KCNB2: variants seen among roughly 807,000 people sequenced by gnomAD.
KCNB2 encodes the protein delayed rectifier potassium channel protein.
In KCNB2, 15 loss-of-function variants were observed where a neutral mutation model predicts 61.5. That is an observed-to-expected ratio of 0.24 (90% CI 0.16 to 0.38). The LOEUF is 0.38. KCNB2 is among the 10% of genes least tolerant of loss of function. The pLI, the probability that KCNB2 is intolerant of heterozygous loss-of-function variation, is 1.00. For missense variants in KCNB2, 828 were observed against 1,125.2 expected (o/e 0.74, Z 3.78); for synonymous variants, 457 against 446.0 (o/e 1.02, Z -0.31).
intron 2 of KCNB2, among the ~76,000 whole-genome samples, chr8:72,639,585 C>T (rs149376952): frequency 1.3e-5 from 2 of 152,142 alleles, no homozygotes; most frequent in East Asian, 3.9e-4. Flanking sequence ...CATGCTCTTT[C>T]CTAAGGAGGG....
At chr8:72,908,635 G>A (rs1394942237) in intron 2 of KCNB2, among the ~76,000 whole-genome samples, 2 of 152,190 alleles carry the variant, frequency 1.3e-5, no homozygotes, top group African/African-American at 4.8e-5. Context: ...TAAACAGCCT[G>A]GCTAAGGTGT....
rs946360150 is a variant in KCNB2, at chr8:72,651,483, A to G, written c.579+83170A>G. Among the ~76,000 whole-genome samples the G allele has an allele frequency of 9.9e-5, 15 of 152,132 alleles. 1 individual carries two copies. Among genetic ancestry groups the G allele is most frequent in the Admixed American group, 7.9e-4 (12 of 15,266 alleles). On this transcript the variant is annotated intron_variant, in intron 2 of 2. Coordinates refer to ENST00000523207, the MANE Select transcript of KCNB2 (RefSeq NM_004770.3). ...CACTAAAATAACTCATTAAACCCCT[A>G]CTGTTAAAGATTACTTAACATTAAC...
At chr8:72,723,884 C>T (rs143003704) in intron 2 of KCNB2, among the ~76,000 whole-genome samples, 18 of 152,244 alleles carry the variant, frequency 1.2e-4, no homozygotes, top group Non-Finnish European at 2.2e-4. Flanking sequence ...AGGGCTTAGC[C>T]GTGACTTGTT....
rs1554587062 is a variant in KCNB2, at chr8:72,725,575, G to GTATGTA, written c.579+157265_579+157266insGTATAT. On this transcript the variant is annotated intron_variant, in intron 2 of 2. Transcript: ENST00000523207. The stretch of plus-strand genomic sequence containing the variant: ...TATATATGTATATATGTATATATAT[G>GTATGTA]TATATATATATGTATGTATATATAT... 3.7e-3 allele frequency among the ~76,000 whole-genome samples: 301 copies of GTATGTA among 80,476 alleles called. 4 individuals carry two copies. The highest frequency in any genetic ancestry group is 6.7e-3 in the Admixed American group (45 of 6,702). The allele number at this position is 80,476 out of a possible 152,430, so 52.8% of individuals were successfully genotyped here. A position where few individuals can be genotyped will look rare whatever the true frequency, so the allele number is the denominator to read the frequency against.
intron 2 of KCNB2, among the ~76,000 whole-genome samples, chr8:72,915,448 G>A (rs1806376889): frequency 6.6e-6 from 1 of 152,064 alleles, no homozygotes; most frequent in South Asian, 2.1e-4. Flanking sequence ...AAGGAGGTAG[G>A]GATTGGGGAA....
intron 2 of KCNB2, among the ~76,000 whole-genome samples, chr8:72,908,442 A>G (rs1344462319): frequency 1.3e-5 from 2 of 152,172 alleles, no homozygotes; most frequent in East Asian, 3.9e-4. Context: ...TTATTCCAGT[A>G]CCTGGCCCAC....
chr8:72,778,827 A>G (rs1389493380), intron 2 of KCNB2, among the ~76,000 whole-genome samples: 1 of 151,584 alleles, frequency 6.6e-6, no homozygotes, highest in African/African-American at 2.4e-5. Flanking sequence ...CCAATTAAAT[A>G]AAGTTCGAGA....
Position 72,574,027 on chromosome 8 carries a change from T to C in KCNB2, c.579+5714T>C, listed in dbSNP as rs1037207315. 2.6e-5 allele frequency among the ~76,000 whole-genome samples: 4 copies of C among 152,200 alleles called. No individual in the cohort carries two copies. The East Asian group carries it at 5.8e-4, about 22-fold the overall frequency. The stretch of plus-strand genomic sequence containing the variant: ...ATAGAGTTTAAAAGAACTTGGCCAA[T>C]CTGCAGAGGTTTAGCTTGAAGATTT... On this transcript the variant is annotated intron_variant, in intron 2 of 2. Transcript: ENST00000523207.
At chr8:72,745,648 G>A (rs556616638) in intron 2 of KCNB2, among the ~76,000 whole-genome samples, 9 of 152,202 alleles carry the variant, frequency 5.9e-5, no homozygotes, top group African/African-American at 1.9e-4. Context: ...TTCAACCTGG[G>A]CTTCACTGTC....
chr8:72,645,681 C>CA (rs1032361474), intron 2 of KCNB2, among the ~76,000 whole-genome samples: 15 of 152,274 alleles, frequency 9.9e-5, no homozygotes, highest in African/African-American at 3.4e-4. Flanking sequence ...GGTGACCTCA[C>CA]AACTAAACTG....
intron 2 of KCNB2, among the ~76,000 whole-genome samples, chr8:72,907,856 T>C (rs1219517759): frequency 6.6e-6 from 1 of 152,210 alleles, no homozygotes; most frequent in Non-Finnish European, 1.5e-5. Flanking sequence ...TGTTATATAA[T>C]AAGTTTTACA....
chr8:72,801,616 C>T (rs1324630222), intron 2 of KCNB2, among the ~76,000 whole-genome samples: 1 of 152,008 alleles, frequency 6.6e-6, no homozygotes, highest in Admixed American at 6.6e-5. Flanking sequence ...TTCCTCAAGC[C>T]TAGTGAGGAA....
intron 2 of KCNB2, among the ~76,000 whole-genome samples, chr8:72,842,189 A>C (rs920177564): frequency 6.6e-6 from 1 of 152,190 alleles, no homozygotes; most frequent in African/African-American, 2.4e-5. Context: ...CTATTGAGAT[A>C]ATCATGTGGT....
At chr8:72,886,404 GGAACAAA>G (rs1456832019) in intron 2 of KCNB2, among the ~76,000 whole-genome samples, 1 of 152,166 alleles carries the variant, frequency 6.6e-6, no homozygotes, top group Non-Finnish European at 1.5e-5. Flanking sequence ...CAGAAAAAGG[GGAACAAA>G]GAACATGGCA....
rs1422591784 is a variant in KCNB2 at position 72,567,941 on chromosome 8, A to C, written c.207A>C (p.Thr69=). 15 of 1,613,874 alleles carry C rather than the reference A, an allele frequency of 9.3e-6. No homozygotes were observed. The highest frequency in any genetic ancestry group is 1.3e-5 in the Non-Finnish European group (15 of 1,179,912). The part of the protein sequence containing the change: ...TRLGKLRDCN[T]HESLLEVCDD... ...TGGGGAAGCTTCGAGACTGCAACAC[A>C]CACGAGAGCCTCCTGGAAGTGTGCG... The change falls in exon 2 of 3, where the codon ACA becomes ACC. Residue 69 remains threonine (T), a synonymous_variant. Transcript: ENST00000523207.
chr8:72,817,959 A>C (rs568106005), intron 2 of KCNB2, among the ~76,000 whole-genome samples: 5 of 152,210 alleles, frequency 3.3e-5, no homozygotes, highest in Admixed American at 1.3e-4. Context: ...GATGTCTGTC[A>C]TCAAATGGGA....
Position 72,725,605 on chromosome 8 carries a change from A to ATG in KCNB2, c.579+157293_579+157294insGT, listed in dbSNP as rs1157286215. Among the ~76,000 whole-genome samples the ATG allele has an allele frequency of 1.0e-3, 56 of 54,190 alleles. 1 individual carries two copies. The highest frequency in any genetic ancestry group is 8.6e-3 in the South Asian group (18 of 2,098). 35.6% of individuals were successfully genotyped at this position (54,190 alleles called of 152,430 possible). A position where few individuals can be genotyped will look rare whatever the true frequency, so the allele number is the denominator to read the frequency against. On this transcript the variant is annotated intron_variant, in intron 2 of 2. Coordinates refer to ENST00000523207, the MANE Select transcript of KCNB2 (RefSeq NM_004770.3). ...TATATATGTATGTATATATATATAT[A>ATG]TATATATATATATATATGCATTCTT...
intron 2 of KCNB2, among the ~76,000 whole-genome samples, chr8:72,854,808 G>C (rs117153656): frequency 1.3e-5 from 2 of 151,988 alleles, no homozygotes; most frequent in Admixed American, 1.3e-4. Context: ...TGGCAGGAGG[G>C]GACATGGTCA....
At chr8:72,574,905 T>A (rs1026953753) in intron 2 of KCNB2, among the ~76,000 whole-genome samples, 7 of 152,184 alleles carry the variant, frequency 4.6e-5, no homozygotes, top group African/African-American at 1.7e-4. Flanking sequence ...TGAAGGAAGG[T>A]TGCAATATTT....
Sources: gnomAD v4.1 joint callset for allele counts (sites outside exome capture counted in the v4.1 genomes callset) on GRCh38, gnomAD v4.1.1 for gene constraint, MANE v1.5 for transcripts, NCBI Gene and HGNC (gene_info 2026-07-23, HGNC 2026-07-21) for gene names.